WDR36: variants seen among roughly 807,000 people sequenced by gnomAD.
The protein encoded by WDR36 is WD repeat-containing protein 36.
A neutral mutation model predicts 112.7 loss-of-function variants in WDR36; 63 were observed. The observed-to-expected ratio is 0.56, with a 90% confidence interval of 0.46 to 0.69. The LOEUF is 0.69. WDR36 is among the 30% of genes least tolerant of loss of function. The pLI is 0.00. For synonymous variants in WDR36, 410 were observed against 362.2 expected, an observed-to-expected ratio of 1.13 and a Z score of -1.50; for missense variants, 1,226 against 1,070.3, an observed-to-expected ratio of 1.15 and a Z score of -2.03.
chr5:111,113,537 A>G (rs1415449799), intron 16 of WDR36, among the ~76,000 whole-genome samples: 1 of 152,052 alleles, frequency 6.6e-6, no homozygotes, highest in Non-Finnish European at 1.5e-5. Flanking sequence ...CAAACCCCCT[A>G]ACTTTTCCTT....
chr5:111,117,773 G>C (rs1753486309), intron 16 of WDR36, among the ~76,000 whole-genome samples: 1 of 152,146 alleles, frequency 6.6e-6, no homozygotes, highest in South Asian at 2.1e-4. Flanking sequence ...TCCGGAACTT[G>C]AGTCATTTGT....
rs778072785 is a variant in WDR36 at position 111,092,479 on chromosome 5, G to C, written c.23G>C (p.Arg8Pro). The C allele has an allele frequency of 6.2e-6, 10 of 1,614,114 alleles. No homozygotes were observed. Among genetic ancestry groups the C allele is most frequent in the Non-Finnish European group, 7.6e-6 (9 of 1,180,050 alleles). MERASER[R>P]TASALFAGFR... ...GCAATGGAACGGGCCTCAGAAAGGC[G>C]CACGGCCAGCGCGCTTTTTGCGGGG... Residue 8 changes from arginine to proline, a missense_variant, in exon 1 of 23, where the codon CGC (arginine) becomes CCC (proline). Physicochemically the swap from Arg to Pro is moderately radical, Grantham distance 103. Transcript: ENST00000513710.
chr5:111,105,841 C>T (rs762923143), intron 10 of WDR36, among the ~76,000 whole-genome samples: 2 of 151,428 alleles, frequency 1.3e-5, no homozygotes, highest in Non-Finnish European at 3.0e-5. Flanking sequence ...ACTGTTCATG[C>T]ATGTATATAA....
chr5:111,103,871 A>G lies in WDR36; in HGVS notation c.683A>G (p.Lys228Arg), dbSNP rs372900947. ...ATTAAATTTAATGAAACATTAATGA[A>G]GTTTCGTCAAGACTGGGGACCCATT... ...HNIKFNETLM[K>R]FRQDWGPITS... Residue 228 changes from lysine to arginine, a missense_variant, in exon 7 of 23, where the codon AAG becomes AGG. Physicochemically the swap from Lys to Arg is conservative, Grantham distance 26. Coordinates refer to ENST00000513710, the MANE Select transcript of WDR36 (RefSeq NM_139281.3). 2.4e-5 allele frequency: 38 copies of G among 1,611,404 alleles called. No homozygotes were observed. Among genetic ancestry groups the G allele is most frequent in the Non-Finnish European group, 3.1e-5 (36 of 1,178,252 alleles).
In WDR36 at chr5:111,113,153, G is replaced by A; in HGVS notation, c.1796G>A (p.Cys599Tyr). 6.3e-7 allele frequency: 1 copy of A among 1,576,416 alleles called. No individual in the cohort carries two copies. The highest frequency in any genetic ancestry group is 8.7e-7 in the Non-Finnish European group (1 of 1,153,356). The part of the protein sequence containing the change: ...SIRTWDLPSG[C>Y]LIDCFLLDSA... Reference sequence around the variant, plus strand: ...AGGACTTGGGACCTTCCTTCTGGGTGGTAAGTTTATATTTCTAATTCCCTA... The same window carrying A: ...AGGACTTGGGACCTTCCTTCTGGGTAGTAAGTTTATATTTCTAATTCCCTA... Residue 599 changes from cysteine (C) to tyrosine (Y), a missense_variant and splice_region_variant, in exon 16 of 23, where the codon TGC (cysteine) becomes TAC (tyrosine). Transcript: ENST00000513710.
rs1006625449 is a variant in WDR36, at chr5:111,127,344, C to T, written c.*461C>T. The T allele has an allele frequency of 4.9e-6, 1 of 203,236 alleles. No individual in the cohort carries two copies. Among genetic ancestry groups the T allele is most frequent in the South Asian group, 1.9e-4 (1 of 5,264 alleles). The allele number at this position is 203,236 out of a possible 1,614,324, so 12.6% of individuals were successfully genotyped here. On this transcript the variant is annotated 3_prime_UTR_variant, in exon 23 of 23. Coordinates refer to ENST00000513710, the MANE Select transcript of WDR36 (RefSeq NM_139281.3). ...ATCTGTTTCATATAAAGAGATGCTG[C>T]ATGTTCACTGTGAAGTATTGCTGAA...
At chr5:111,103,982 A>C in intron 7 of WDR36, 64 bp downstream of exon 7, 1 of 1,591,590 alleles carries the variant, frequency 6.3e-7, no homozygotes. Flanking sequence ...TTTAAAAGTC[A>C]ATTTTTTTTG....
At chr5:111,114,039 T>C (rs1338543144) in intron 16 of WDR36, among the ~76,000 whole-genome samples, 1 of 152,156 alleles carries the variant, frequency 6.6e-6, no homozygotes, top group East Asian at 1.9e-4. Context: ...ATGTGTGTCT[T>C]CGGATTTGGT....
At chr5:111,103,488 T>C (rs765823609) in intron 6 of WDR36, among the ~76,000 whole-genome samples, 75 of 151,772 alleles carry the variant, frequency 4.9e-4, no homozygotes, top group Non-Finnish European at 8.3e-4. Flanking sequence ...TACATAGCTT[T>C]CTTTTTCTGT....
At chr5:111,126,393 G>A (rs906170816) in intron 22 of WDR36, among the ~76,000 whole-genome samples, 1 of 152,138 alleles carries the variant, frequency 6.6e-6, no homozygotes, top group African/African-American at 2.4e-5. Flanking sequence ...GAAGGAGGTA[G>A]ATGATGCCGA....
chr5:111,104,516 G>A (rs1753185965), intron 8 of WDR36, among the ~76,000 whole-genome samples, 164 bp downstream of exon 8: 1 of 151,710 alleles, frequency 6.6e-6, no homozygotes, highest in Admixed American at 6.6e-5. Flanking sequence ...CATGATTGCA[G>A]TGAAGCGGGA....
chr5:111,101,403 C>G (rs1753117377), intron 5 of WDR36, among the ~76,000 whole-genome samples: 1 of 151,726 alleles, frequency 6.6e-6, no homozygotes, highest in Non-Finnish European at 1.5e-5. Context: ...TGAAGATTTT[C>G]TATACATGAA....
At position 111,092,614 on chromosome 5, in the gene WDR36, A is replaced by G. The variant is rs778483687; in HGVS notation, c.158A>G (p.Tyr53Cys). Residue 53 changes from tyrosine (Y) to cysteine (C), a missense_variant, in exon 1 of 23, where the codon TAT becomes TGT. Transcript: ENST00000513710. Reference protein sequence around the residue: ...TTCVGKSFHTYDVQKLSLVAV... With the variant: ...TTCVGKSFHTCDVQKLSLVAV... ...TGCGTGGGCAAGAGTTTCCACACCT[A>G]TGACGTGAGTGACTTCTTTTGTTAG... 125 of 1,612,848 alleles carry G rather than the reference A, an allele frequency of 7.8e-5. No homozygotes were observed. The highest frequency in any genetic ancestry group is 1.0e-4 in the Non-Finnish European group (119 of 1,179,912).
At position 111,105,011 on chromosome 5, in the gene WDR36, C is replaced by G. The variant is rs1406563048; in HGVS notation, c.1027+194C>G. Among the ~76,000 whole-genome samples, 4 of 151,386 alleles carry G rather than the reference C, an allele frequency of 2.6e-5. No individual in the cohort carries two copies. In the Admixed American group the frequency reaches 2.6e-4, roughly 10 times the overall value. ...TGTTATTATCTATGCTTAATGTGTC[C>G]TTCTATTTACTAATCCTCAGAGACA... is the stretch of plus-strand genomic sequence containing the variant. On this transcript the variant is annotated intron_variant, in intron 9 of 22. Coordinates refer to ENST00000513710, the MANE Select transcript of WDR36 (RefSeq NM_139281.3).
chr5:111,099,463 G>GTTTTTTTTTTTTTTT (rs67437234), intron 4 of WDR36, among the ~76,000 whole-genome samples: 2 of 84,962 alleles, frequency 2.4e-5, no homozygotes, highest in Non-Finnish European at 4.9e-5. Flanking sequence ...TTTTTTTTTT[G>GTTTTTTTTTTTTTTT]TTTTTTTTTT....
In WDR36 at chr5:111,103,108, A is replaced by G. The variant is rs529150572; in HGVS notation, c.598-678A>G. Among the ~76,000 whole-genome samples, 33 of 151,808 alleles carry G rather than the reference A, an allele frequency of 2.2e-4. 1 individual carries two copies. The highest frequency in any genetic ancestry group is 7.2e-4 in the Admixed American group (11 of 15,196). On this transcript the variant is annotated intron_variant, in intron 6 of 22. Transcript: ENST00000513710. ...GATTATATCTGTTTTAGTATCTCCA[A>G]TTTCTACACAGGGTCTCATGCATAG...
Position 111,107,313 on chromosome 5 carries a change from C to G in WDR36, c.1200C>G (p.Asp400Glu), listed in dbSNP as rs759219512. 1.5e-5 allele frequency: 24 copies of G among 1,609,954 alleles called. No individual in the cohort carries two copies. Among genetic ancestry groups the G allele is most frequent in the African/African-American group, 2.7e-5 (2 of 74,650 alleles). Residue 400 changes from aspartate to glutamate, a missense_variant, in exon 12 of 23, where the codon GAC (aspartate) becomes GAG (glutamate). Coordinates refer to ENST00000513710, the MANE Select transcript of WDR36 (RefSeq NM_139281.3). Reference sequence around the variant, plus strand: ...TTTTAGAGGAAGCTCGTGAAAGTGACTGGGATGGTATCATTGCTTGCCATC... The same window carrying G: ...TTTTAGAGGAAGCTCGTGAAAGTGAGTGGGATGGTATCATTGCTTGCCATC... The part of the protein sequence containing the change: ...KFAAEEARES[D>E]WDGIIACHQG...
chr5:111,103,004 C>A (rs1372376706), intron 6 of WDR36, among the ~76,000 whole-genome samples: 1 of 151,566 alleles, frequency 6.6e-6, no homozygotes, highest in Non-Finnish European at 1.5e-5. Flanking sequence ...TCTTCTCTTG[C>A]TGTCATCAGC....
At chr5:111,125,352 T>C (rs1054544093) in intron 21 of WDR36, among the ~76,000 whole-genome samples, 5 of 152,166 alleles carry the variant, frequency 3.3e-5, no homozygotes, top group Admixed American at 3.3e-4. Context: ...TTAGATTTTC[T>C]TTATTAACAG....
Sources: gnomAD v4.1 joint callset for allele counts (sites outside exome capture counted in the v4.1 genomes callset) on GRCh38, gnomAD v4.1.1 for gene constraint, MANE v1.5 for transcripts, NCBI Gene and HGNC (gene_info 2026-07-23, HGNC 2026-07-21) for gene names.